The following KCNB2 variants were observed in gnomAD, a reference collection of about 807,000 sequenced individuals.
The protein encoded by KCNB2 is delayed rectifier potassium channel protein.
A neutral mutation model predicts 61.5 loss-of-function variants in KCNB2; 15 were observed. The observed-to-expected ratio is 0.24, with a 90% CI of 0.16 to 0.38. KCNB2 has a LOEUF of 0.38. Among genes scored for constraint, KCNB2 ranks in the 10% least tolerant of loss-of-function variants. The pLI is 1.00. For synonymous variants in KCNB2, 457 were observed against 446.0 expected, an observed-to-expected ratio of 1.02 and a Z score of -0.31; for missense variants, 828 against 1,125.2, an observed-to-expected ratio of 0.74 and a Z score of 3.78.
At chr8:72,706,595 T>G (rs1180436816) in intron 2 of KCNB2, among the ~76,000 whole-genome samples, 1 of 152,216 alleles carries the variant, frequency 6.6e-6, no homozygotes, top group Non-Finnish European at 1.5e-5. Context: ...CAAAACCATT[T>G]CTGGAGTCTT....
intron 2 of KCNB2, among the ~76,000 whole-genome samples, chr8:72,602,866 G>T (rs1277877577): frequency 6.6e-6 from 1 of 151,538 alleles, no homozygotes; most frequent in Admixed American, 6.6e-5. Context: ...CAGTAGAATA[G>T]TTCTTCTCCA....
At chr8:72,721,956 C>G (rs562562111) in intron 2 of KCNB2, among the ~76,000 whole-genome samples, 1 of 152,312 alleles carries the variant, frequency 6.6e-6, no homozygotes, top group African/African-American at 2.4e-5. Context: ...GCACTCTTTT[C>G]TCCATTGAGA....
At chr8:72,841,144 C>T (rs1035266417) in intron 2 of KCNB2, among the ~76,000 whole-genome samples, 2 of 152,020 alleles carry the variant, frequency 1.3e-5, no homozygotes, top group Admixed American at 6.6e-5. Context: ...TTCCCAACAC[C>T]ATTTATTAAA....
chr8:72,555,356 GCT>G (rs1405593471), intron 1 of KCNB2, among the ~76,000 whole-genome samples: 5 of 151,354 alleles, frequency 3.3e-5, no homozygotes, highest in African/African-American at 4.8e-5. Context: ...CATAACTTTG[GCT>G]CTCTTTCAGA....
At chr8:72,684,388 GC>G (rs1179869416) in intron 2 of KCNB2, among the ~76,000 whole-genome samples, 1 of 152,222 alleles carries the variant, frequency 6.6e-6, no homozygotes, top group African/African-American at 2.4e-5. Flanking sequence ...AGATGTGGCA[GC>G]TGACAGTATA....
chr8:72,693,856 C>T (rs1229309721), intron 2 of KCNB2, among the ~76,000 whole-genome samples: 1 of 152,196 alleles, frequency 6.6e-6, no homozygotes, highest in Non-Finnish European at 1.5e-5. Context: ...TAAAAATCAG[C>T]AAATTATCCT....
intron 2 of KCNB2, among the ~76,000 whole-genome samples, chr8:72,746,067 G>C (rs1303064951): frequency 6.6e-6 from 1 of 152,208 alleles, no homozygotes; most frequent in Non-Finnish European, 1.5e-5. Flanking sequence ...TAGGTTGCTT[G>C]AGTATTGCAG....
At chr8:72,626,755 C>T (rs1805796585) in intron 2 of KCNB2, among the ~76,000 whole-genome samples, 1 of 152,180 alleles carries the variant, frequency 6.6e-6, no homozygotes, top group African/African-American at 2.4e-5. Context: ...TGCCCTTGAC[C>T]ACTATGCATG....
intron 2 of KCNB2, among the ~76,000 whole-genome samples, chr8:72,742,833 C>T (rs771164505): frequency 1.3e-5 from 2 of 152,156 alleles, no homozygotes; most frequent in Non-Finnish European, 2.9e-5. Context: ...TTACCCATGA[C>T]GTCTGACGAT....
intron 2 of KCNB2, among the ~76,000 whole-genome samples, chr8:72,631,112 A>G (rs754107776): frequency 2.0e-4 from 31 of 152,360 alleles, no homozygotes; most frequent in Middle Eastern, 3.4e-3. Flanking sequence ...ATATACTGCA[A>G]TAAAAGTTAT....
rs200472384 is a variant in KCNB2, at chr8:72,937,272, G to A, written c.1917G>A (p.Gly639=). The change falls in exon 3 of 3, where the codon GGG becomes GGA. Residue 639 remains glycine (G), a synonymous_variant. Coordinates refer to ENST00000523207, the MANE Select transcript of KCNB2 (RefSeq NM_004770.3). ...TGAAGTTCCCAACCGACCTCCCAGG[G>A]ACAGAAGAGCACCAAAGAGCTAGGG... ...LQMKFPTDLP[G]TEEHQRARGP... 6.2e-7 allele frequency: 1 copy of A among 1,613,988 alleles called. No individual in the cohort carries two copies. The highest frequency in any genetic ancestry group is 1.1e-5 in the South Asian group (1 of 91,080).
At chr8:72,894,033 C>G (rs531660830) in intron 2 of KCNB2, among the ~76,000 whole-genome samples, 1 of 152,134 alleles carries the variant, frequency 6.6e-6, no homozygotes, top group Admixed American at 6.5e-5. Context: ...TCTTTTGGAG[C>G]AAATTACCTA....
intron 2 of KCNB2, among the ~76,000 whole-genome samples, chr8:72,745,968 A>G (rs548102396): frequency 6.6e-6 from 1 of 152,270 alleles, no homozygotes; most frequent in African/African-American, 2.4e-5. Context: ...CAAGGACAAA[A>G]GCCAGTCAAA....
chr8:72,680,732 G>T (rs957531296), intron 2 of KCNB2, among the ~76,000 whole-genome samples: 1 of 152,166 alleles, frequency 6.6e-6, no homozygotes, highest in Non-Finnish European at 1.5e-5. Flanking sequence ...TTAGCAGAGT[G>T]CCATGCCAGG....
chr8:72,707,821 G>A (rs1807253985), intron 2 of KCNB2, among the ~76,000 whole-genome samples: 1 of 152,116 alleles, frequency 6.6e-6, no homozygotes, highest in Non-Finnish European at 1.5e-5. Flanking sequence ...ATCAATTAAG[G>A]TATCAGCCAG....
At chr8:72,639,854 GA>G (rs1806026206) in intron 2 of KCNB2, among the ~76,000 whole-genome samples, 1 of 152,002 alleles carries the variant, frequency 6.6e-6, no homozygotes, top group South Asian at 2.1e-4. Context: ...TACTCACCTG[GA>G]ATTTTCCTGT....
At chr8:72,830,227 C>CAAAAA (rs543474001) in intron 2 of KCNB2, among the ~76,000 whole-genome samples, 8 of 83,432 alleles carry the variant, frequency 9.6e-5, no homozygotes, top group African/African-American at 2.0e-4. Flanking sequence ...TCATATTTTC[C>CAAAAA]AAAAAAAAAA....
At chr8:72,609,385 A>G (rs1365691048) in intron 2 of KCNB2, among the ~76,000 whole-genome samples, 1 of 152,234 alleles carries the variant, frequency 6.6e-6, no homozygotes, top group African/African-American at 2.4e-5. Context: ...ATAAAATTTC[A>G]GTCAACACTT....
chr8:72,661,832 C>T (rs1055210417), intron 2 of KCNB2, among the ~76,000 whole-genome samples: 3 of 152,192 alleles, frequency 2.0e-5, no homozygotes, highest in Non-Finnish European at 4.4e-5. Context: ...CAAAGGCCTG[C>T]TCTAAAAATC....
Sources: gnomAD v4.1 joint callset for allele counts (sites outside exome capture counted in the v4.1 genomes callset) on GRCh38, gnomAD v4.1.1 for gene constraint, MANE v1.5 for transcripts, NCBI Gene and HGNC (gene_info 2026-07-23, HGNC 2026-07-21) for gene names.